PICALM: variants seen among roughly 807,000 people sequenced by gnomAD.
PICALM encodes the protein phosphatidylinositol binding clathrin assembly protein, also known as phosphatidylinositol-binding clathrin assembly protein.
In PICALM, 40 loss-of-function variants were observed where a neutral mutation model predicts 80.5. That is an observed-to-expected ratio of 0.50 (90% CI 0.39 to 0.65). The LOEUF is 0.65. Among genes scored for constraint, PICALM ranks in the 30% least tolerant of loss-of-function variants. The pLI is 0.00. For missense variants in PICALM, 676 were observed against 778.9 expected (o/e 0.87, Z 1.57); for synonymous variants, 288 against 260.3 (o/e 1.11, Z -1.02).
intron 2 of PICALM, among the ~76,000 whole-genome samples, chr11:86,027,714 T>C (rs2095671900): frequency 6.6e-6 from 1 of 151,964 alleles, no homozygotes; most frequent in African/African-American, 2.4e-5. Context: ...AGAGACAACG[T>C]CTTACTACAT....
At position 85,981,980 on chromosome 11, in the gene PICALM, G is replaced by A; in HGVS notation, c.1540C>T (p.Leu514Phe). 6.2e-7 allele frequency: 1 copy of A among 1,613,432 alleles called. No individual in the cohort carries two copies. The highest frequency in any genetic ancestry group is 8.5e-7 in the Non-Finnish European group (1 of 1,179,356). The change falls in exon 15 of 20, where the codon CTC becomes TTC. Residue 514 changes from leucine (L) to phenylalanine (F), a missense_variant. Leu to Phe is a conservative substitution (Grantham distance 22). Coordinates refer to ENST00000393346, the MANE Select transcript of PICALM (RefSeq NM_007166.4). ...TTCTGAGAGGCCACTGTTGGTTTGAGAAGTCCACCTAGTTCATCAAAGCCT... is the reference window on the plus strand; with the variant it reads ...TTCTGAGAGGCCACTGTTGGTTTGAAAAGTCCACCTAGTTCATCAAAGCCT... ...SGGFDELGGL[L>F]KPTVASQNQN... is the part of the protein sequence containing the mutation.
At chr11:85,998,043 A>C (rs2095031792) in intron 11 of PICALM, among the ~76,000 whole-genome samples, 1 of 149,946 alleles carries the variant, frequency 6.7e-6, no homozygotes, top group Admixed American at 6.6e-5. Flanking sequence ...GAGCCTCCCA[A>C]AGTGCTGGGA....
At chr11:86,023,265 C>A (rs187880340) in intron 3 of PICALM, among the ~76,000 whole-genome samples, 1 of 152,198 alleles carries the variant, frequency 6.6e-6, no homozygotes. Context: ...AAAGACAATA[C>A]CAAAACCAAC....
At chr11:86,033,615 T>C (rs1404399040) in intron 1 of PICALM, among the ~76,000 whole-genome samples, 1 of 152,204 alleles carries the variant, frequency 6.6e-6, no homozygotes, top group Non-Finnish European at 1.5e-5. Flanking sequence ...TAAACCCTCA[T>C]TATCCCCCTT....
chr11:85,977,388 T>C (rs917152083), intron 17 of PICALM, among the ~76,000 whole-genome samples: 1 of 152,228 alleles, frequency 6.6e-6, no homozygotes, highest in Non-Finnish European at 1.5e-5. Flanking sequence ...ACTACTTTGA[T>C]TATCTGTAAA....
chr11:85,991,011 G>C (rs12804751), intron 12 of PICALM, among the ~76,000 whole-genome samples: 15,103 of 152,184 alleles, frequency 0.099, 911 homozygotes, highest in Admixed American at 0.14. Flanking sequence ...CTATCTAAGA[G>C]CTTTAGTCTT....
At chr11:86,047,231 C>A (rs919538813) in intron 1 of PICALM, among the ~76,000 whole-genome samples, 1 of 152,238 alleles carries the variant, frequency 6.6e-6, no homozygotes, top group East Asian at 1.9e-4. Context: ...AAACTGCACA[C>A]ATTTTCACAA....
intron 13 of PICALM, among the ~76,000 whole-genome samples, chr11:85,989,551 T>C (rs1211495940): frequency 1.3e-5 from 2 of 152,162 alleles, no homozygotes; most frequent in Admixed American, 1.3e-4. Flanking sequence ...TTCAGCAGAA[T>C]TCAAAAACAT....
At position 86,068,835 on chromosome 11, in the gene PICALM, C is replaced by G. The variant is rs2096484639; in HGVS notation, c.-55G>C. On this transcript the variant is annotated 5_prime_UTR_variant, in exon 1 of 20. Coordinates refer to ENST00000393346, the MANE Select transcript of PICALM (RefSeq NM_007166.4). Reference sequence around the variant, plus strand: ...TCAGCAGCCGGCGGGGACTGGGACCCCCAAGAGCCGGAGGGTCCCCACCCC... The same window carrying G: ...TCAGCAGCCGGCGGGGACTGGGACCGCCAAGAGCCGGAGGGTCCCCACCCC... 4.6e-6 allele frequency: 7 copies of G among 1,531,796 alleles called. No homozygotes were observed. The highest frequency in any genetic ancestry group is 6.1e-6 in the Non-Finnish European group (7 of 1,142,752). The allele number at this position is 1,531,796 out of a possible 1,614,324, so 94.9% of individuals were successfully genotyped here.
chr11:85,994,726 T>C (rs932975605), intron 12 of PICALM, among the ~76,000 whole-genome samples: 9 of 152,232 alleles, frequency 5.9e-5, no homozygotes, highest in Admixed American at 5.2e-4. Context: ...AGATTTCTTT[T>C]CTTTTCTTTT....
chr11:86,050,764 C>T (rs985896168), intron 1 of PICALM, among the ~76,000 whole-genome samples: 1 of 152,126 alleles, frequency 6.6e-6, no homozygotes, highest in African/African-American at 2.4e-5. Flanking sequence ...ATATGAACAA[C>T]AGGCAACACA....
At chr11:86,040,253 C>T (rs2095935652) in intron 1 of PICALM, among the ~76,000 whole-genome samples, 1 of 152,040 alleles carries the variant, frequency 6.6e-6, no homozygotes, top group African/African-American at 2.4e-5. Flanking sequence ...CCAATATATA[C>T]ATGAATGTAA....
In PICALM at chr11:86,052,405, T is replaced by C. The variant is rs554741418; in HGVS notation, c.130+16246A>G. 6.6e-5 allele frequency among the ~76,000 whole-genome samples: 10 copies of C among 152,340 alleles called. 1 individual carries two copies. The South Asian group carries it at 2.1e-3, about 32-fold the overall frequency. ...GAATAGACTAATACACCAATTTTTATCAGACTTTGTGAATCCCTGAAGACT... is the reference window on the plus strand; with the variant it reads ...GAATAGACTAATACACCAATTTTTACCAGACTTTGTGAATCCCTGAAGACT... On this transcript the variant is annotated intron_variant, in intron 1 of 19. Transcript: ENST00000393346.
rs991548273 is a variant in PICALM, at chr11:85,996,868, G to T, written c.1216C>A (p.His406Asn). 2.5e-6 allele frequency: 4 copies of T among 1,612,558 alleles called. No homozygotes were observed. The African/African-American group carries it at 4.0e-5, about 16-fold the overall frequency. The change falls in exon 12 of 20, where the codon CAT (histidine) becomes AAT (asparagine). Residue 406 changes from histidine (H) to asparagine (N), a missense_variant. Coordinates refer to ENST00000393346, the MANE Select transcript of PICALM (RefSeq NM_007166.4). ...LQQPTFHPSV[H>N]PMSTASQVAS... The stretch of plus-strand genomic sequence containing the variant: ...ACCTGAGAAGCAGTTGACATAGGAT[G>T]TACAGATGGGTGAAAAGTTGGCTGC...
At chr11:85,986,142 AAG>A (rs1346818060) in intron 13 of PICALM, among the ~76,000 whole-genome samples, 2 of 152,190 alleles carry the variant, frequency 1.3e-5, no homozygotes, top group Non-Finnish European at 2.9e-5. Context: ...AAGTTAAAAA[AAG>A]AAATTAATAA....
chr11:86,000,867 A>T (rs773706889), intron 10 of PICALM, 88 bp from the exon 11 acceptor site: 5 of 1,513,076 alleles, frequency 3.3e-6, no homozygotes, highest in Non-Finnish European at 4.5e-6. Flanking sequence ...ATTTGTTCTG[A>T]TAGCAGATAT....
At chr11:85,985,168 G>C (rs2094540469) in intron 13 of PICALM, among the ~76,000 whole-genome samples, 1 of 152,100 alleles carries the variant, frequency 6.6e-6, no homozygotes, top group African/African-American at 2.4e-5. Flanking sequence ...ATTCAGGTCA[G>C]AATCTCACTT....
At chr11:85,991,354 C>G (rs951074620) in intron 12 of PICALM, among the ~76,000 whole-genome samples, 2 of 152,146 alleles carry the variant, frequency 1.3e-5, no homozygotes, top group African/African-American at 2.4e-5. Flanking sequence ...TTGACCTTCA[C>G]TGAAATATAC....
intron 4 of PICALM, among the ~76,000 whole-genome samples, chr11:86,016,050 G>A (rs192063819): frequency 6.6e-6 from 1 of 152,358 alleles, no homozygotes; most frequent in Admixed American, 6.5e-5. Flanking sequence ...CCGCTCAAGT[G>A]CTAAACAGCA....
Sources: allele counts gnomAD v4.1 joint callset (sites outside exome capture counted in the v4.1 genomes callset), GRCh38; gene constraint gnomAD v4.1.1; transcripts MANE v1.5; gene names NCBI Gene and HGNC (gene_info 2026-07-23, HGNC 2026-07-21).